The following CNTN5 variants were observed in gnomAD, a reference collection of about 807,000 sequenced individuals.
CNTN5 encodes contactin-5.
Under a neutral mutation model 129.1 loss-of-function variants are expected in CNTN5, and 77 were observed. The ratio of observed to expected loss-of-function variants is 0.60; its 90% CI spans 0.50 to 0.72. The LOEUF (loss-of-function observed/expected upper bound fraction) is 0.72. CNTN5 is among the 30% of genes least tolerant of loss of function. CNTN5 has a pLI of 0.00. For missense variants in CNTN5, 1,478 were observed against 1,328.8 expected, an observed-to-expected ratio of 1.11 and a Z score of -1.75; for synonymous variants, 509 against 465.6, an observed-to-expected ratio of 1.09 and a Z score of -1.20.
At chr11:100,069,556 C>T (rs987397219) in intron 10 of CNTN5, among the ~76,000 whole-genome samples, 1 of 152,132 alleles carries the variant, frequency 6.6e-6, no homozygotes, top group Admixed American at 6.6e-5. Context: ...TAGAGCCGCT[C>T]TGTTTCTGTA....
At chr11:100,218,900 TA>T (rs931825744) in intron 15 of CNTN5, among the ~76,000 whole-genome samples, 2 of 152,140 alleles carry the variant, frequency 1.3e-5, no homozygotes, top group African/African-American at 2.4e-5. Context: ...AAATCAGTTT[TA>T]AAGGATTAAC....
intron 7 of CNTN5, among the ~76,000 whole-genome samples, chr11:99,916,779 A>G (rs1177113633): frequency 2.0e-5 from 3 of 152,102 alleles, no homozygotes; most frequent in African/African-American, 7.2e-5. Flanking sequence ...TTTGAGTTTC[A>G]TAATTTGAGA....
intron 9 of CNTN5, among the ~76,000 whole-genome samples, chr11:100,034,291 C>A (rs529919499): frequency 1.3e-5 from 2 of 152,320 alleles, no homozygotes; most frequent in Admixed American, 6.5e-5. Context: ...TGGTAGAAGT[C>A]CAATTAATAC....
intron 1 of CNTN5, among the ~76,000 whole-genome samples, chr11:99,045,520 C>T (rs1425635443): frequency 6.6e-6 from 1 of 152,134 alleles, no homozygotes; most frequent in East Asian, 1.9e-4. Context: ...ACTTTATTGG[C>T]AAATGAGAAC....
intron 9 of CNTN5, among the ~76,000 whole-genome samples, chr11:100,018,794 A>G (rs185849571): frequency 6.6e-6 from 1 of 151,948 alleles, no homozygotes; most frequent in Non-Finnish European, 1.5e-5. Context: ...TATTAGCAGC[A>G]GTGTTGGAGA....
At chr11:100,018,833 A>G (rs545415178) in intron 9 of CNTN5, among the ~76,000 whole-genome samples, 2 of 152,004 alleles carry the variant, frequency 1.3e-5, no homozygotes, top group Admixed American at 1.3e-4. Context: ...CTTTGCCAAA[A>G]CTTGGTTAAT....
rs1206990025 is a variant in CNTN5, at chr11:100,358,794, C to T, written c.*2574C>T. 2.6e-5 allele frequency: 4 copies of T among 151,804 alleles called. No individual in the cohort carries two copies. The highest frequency in any genetic ancestry group is 2.1e-4 in the South Asian group (1 of 4,812). 9.4% of individuals were successfully genotyped at this position (151,804 alleles called of 1,614,324 possible). Reference sequence around the variant, plus strand: ...TATATACTATATATAAGGCATATACCGTGTGGAAGGCACAGTCAAATAATA... The same window carrying T: ...TATATACTATATATAAGGCATATACTGTGTGGAAGGCACAGTCAAATAATA... On this transcript the variant is annotated 3_prime_UTR_variant, in exon 25 of 25. Coordinates refer to ENST00000524871, the MANE Select transcript of CNTN5 (RefSeq NM_014361.4).
chr11:99,861,883 G>A (rs1948218557), intron 6 of CNTN5, among the ~76,000 whole-genome samples: 2 of 152,068 alleles, frequency 1.3e-5, no homozygotes, highest in Admixed American at 1.3e-4. Flanking sequence ...CTGTTGTTGT[G>A]AGCATAAACT....
intron 13 of CNTN5, among the ~76,000 whole-genome samples, chr11:100,134,837 CTCTG>C (rs1180508312): frequency 1.3e-5 from 2 of 152,134 alleles, no homozygotes; most frequent in Non-Finnish European, 2.9e-5. Context: ...GTTGCCCTGT[CTCTG>C]TATTTCAGTT....
chr11:99,753,598 T>C (rs1016504422), intron 3 of CNTN5, among the ~76,000 whole-genome samples: 1 of 145,860 alleles, frequency 6.9e-6, no homozygotes, highest in Non-Finnish European at 1.5e-5. Context: ...CACTAAACTA[T>C]CTCAGCAGCT....
rs1157108846 is a variant in CNTN5, at chr11:100,347,451, A to T, written c.3031-3251A>T. ...GGAAGATAGGTACATGAGGTTCATT[A>T]TAGTATCCTCTTTACATTCATTTAT... On this transcript the variant is annotated intron_variant, in intron 23 of 24. Coordinates refer to ENST00000524871, the MANE Select transcript of CNTN5 (RefSeq NM_014361.4). Among the ~76,000 whole-genome samples, 3 of 152,268 alleles carry T rather than the reference A, an allele frequency of 2.0e-5. 1 individual carries two copies. In the East Asian group the frequency reaches 5.8e-4, roughly 29 times the overall value.
chr11:100,181,729 C>T (rs1948144512), intron 13 of CNTN5, among the ~76,000 whole-genome samples: 1 of 151,864 alleles, frequency 6.6e-6, no homozygotes. Context: ...TGTGACCTTA[C>T]AATTATCTCC....
At chr11:100,095,108 C>T (rs372543655) in intron 13 of CNTN5, among the ~76,000 whole-genome samples, 2 of 152,044 alleles carry the variant, frequency 1.3e-5, no homozygotes, top group African/African-American at 4.8e-5. Flanking sequence ...GATGATATTG[C>T]ACAAAGAACT....
chr11:100,173,510 A>C (rs776197493), intron 13 of CNTN5, among the ~76,000 whole-genome samples: 15 of 152,084 alleles, frequency 9.9e-5, no homozygotes, highest in Admixed American at 2.0e-4. Flanking sequence ...AAAGAAACCT[A>C]CACCTCCACC....
intron 6 of CNTN5, among the ~76,000 whole-genome samples, chr11:99,900,550 T>A (rs1210057158): frequency 2.0e-5 from 3 of 152,116 alleles, no homozygotes. Flanking sequence ...TTCATTAATT[T>A]TTTTTTTATT....
intron 2 of CNTN5, among the ~76,000 whole-genome samples, chr11:99,358,874 T>C (rs1938903734): frequency 6.6e-6 from 1 of 152,124 alleles, no homozygotes; most frequent in African/African-American, 2.4e-5. Flanking sequence ...TATGCAATGA[T>C]TGAAAATATT....
intron 13 of CNTN5, among the ~76,000 whole-genome samples, chr11:100,129,827 TTG>T (rs1052560398): frequency 6.7e-6 from 1 of 149,170 alleles, no homozygotes; most frequent in Non-Finnish European, 1.5e-5. Flanking sequence ...TCATATATAT[TTG>T]TGTGTGTGTT....
At chr11:100,344,942 AT>A (rs1591531409) in intron 23 of CNTN5, among the ~76,000 whole-genome samples, 1 of 152,158 alleles carries the variant, frequency 6.6e-6, no homozygotes, top group East Asian at 1.9e-4. Context: ...ACTATAAAAA[AT>A]ATATCAGTAC....
At chr11:99,786,701 C>A (rs1270943782) in intron 3 of CNTN5, among the ~76,000 whole-genome samples, 3 of 152,132 alleles carry the variant, frequency 2.0e-5, no homozygotes, top group Non-Finnish European at 4.4e-5. Context: ...AATAACACTA[C>A]ACATCTACAA....
Sources: gnomAD v4.1 joint callset for allele counts (sites outside exome capture counted in the v4.1 genomes callset) on GRCh38, gnomAD v4.1.1 for gene constraint, MANE v1.5 for transcripts, NCBI Gene and HGNC (gene_info 2026-07-23, HGNC 2026-07-21) for gene names.